Variants in GRIK3 observed in about 807,000 individuals in gnomAD.
GRIK3 encodes the protein glutamate receptor ionotropic, kainate 3.
Under a neutral mutation model 102.5 loss-of-function variants are expected in GRIK3, and 29 were observed. The observed-to-expected ratio is 0.28, with a 90% confidence interval of 0.21 to 0.39. GRIK3 has a LOEUF of 0.39. Ranked by LOEUF, GRIK3 falls within the 10% of genes least tolerant of loss-of-function variation. The pLI, the probability that GRIK3 is intolerant of heterozygous loss-of-function variation, is 1.00. For synonymous variants in GRIK3, 511 were observed against 504.9 expected, an observed-to-expected ratio of 1.01 and a Z score of -0.16; for missense variants, 908 against 1,252.4, an observed-to-expected ratio of 0.73 and a Z score of 4.15.
chr1:36,941,905 C>G (rs1641724151), intron 1 of GRIK3, among the ~76,000 whole-genome samples: 1 of 152,196 alleles, frequency 6.6e-6, no homozygotes, highest in Non-Finnish European at 1.5e-5. Context: ...ATCCTGGAGA[C>G]TAGGTAGCCT....
intron 13 of GRIK3, among the ~76,000 whole-genome samples, chr1:36,815,383 C>G (rs932714499): frequency 1.3e-5 from 2 of 152,198 alleles, no homozygotes; most frequent in Non-Finnish European, 2.9e-5. Flanking sequence ...CCACCCAACC[C>G]CTTCCTTCTC....
intron 1 of GRIK3, among the ~76,000 whole-genome samples, chr1:36,895,803 C>T (rs1277286684): frequency 1.3e-5 from 2 of 151,878 alleles, no homozygotes; most frequent in Non-Finnish European, 2.9e-5. Flanking sequence ...GGAAATATGT[C>T]CCCAAAATGA....
chr1:36,957,361 G>A (rs574307948), intron 1 of GRIK3, among the ~76,000 whole-genome samples: 30 of 150,786 alleles, frequency 2.0e-4, no homozygotes, highest in African/African-American at 7.3e-4. Flanking sequence ...TATGCCCCCT[G>A]AGTCTGTGCC....
At chr1:36,900,927 A>T (rs1039513803) in intron 1 of GRIK3, among the ~76,000 whole-genome samples, 5 of 152,184 alleles carry the variant, frequency 3.3e-5, no homozygotes, top group Non-Finnish European at 1.5e-5. Context: ...TAATAACTCT[A>T]TGTCCACTAA....
rs754239551 is a variant in GRIK3 at position 36,880,600 on chromosome 1, G to A, written c.550+34C>T. ...TCCTGGGCCTCTGCCCCCCTCAACC[G>A]TTGCCCCCAGCCTAGCCAGGCCTGG... On this transcript the variant is annotated intron_variant, in intron 3 of 15. Coordinates refer to ENST00000373091, the MANE Select transcript of GRIK3 (RefSeq NM_000831.4). This position sits in a 1 kb window ranked among gnomAD's most constrained non-coding sequence, Gnocchi z 5.4. The A allele has an allele frequency of 3.8e-5, 61 of 1,605,950 alleles. No individual in the cohort carries two copies. Among genetic ancestry groups the A allele is most frequent in the South Asian group, 5.5e-5 (5 of 90,632 alleles).
rs766887566 is a variant in GRIK3, at chr1:36,806,117, G to A, written c.2301C>T (p.Ile767=). 1.1e-5 allele frequency: 18 copies of A among 1,612,852 alleles called. No homozygotes were observed. The highest frequency in any genetic ancestry group is 1.4e-5 in the Non-Finnish European group (16 of 1,179,142). Residue 767 remains isoleucine, a synonymous_variant, in exon 14 of 16, where the codon ATC becomes ATT. Transcript: ENST00000373091. This position sits in a 1 kb window ranked among gnomAD's most constrained non-coding sequence, Gnocchi z 4.0. ...GGLIDSKGYG[I]GTPMGSPYRD... The stretch of plus-strand genomic sequence containing the variant: ...CCCCTCGCTCACCCATGGGCGTGCC[G>A]ATGCCGTAGCCCTTGGAGTCAATGA...
intron 3 of GRIK3, among the ~76,000 whole-genome samples, chr1:36,877,749 T>G (rs1023744977): frequency 6.6e-6 from 1 of 152,198 alleles, no homozygotes. Flanking sequence ...ATTCCTCTCC[T>G]CATTCATCTA....
chr1:36,943,483 C>A (rs984937362), intron 1 of GRIK3, among the ~76,000 whole-genome samples: 1 of 152,188 alleles, frequency 6.6e-6, no homozygotes, highest in Non-Finnish European at 1.5e-5. Context: ...TACCGACCAG[C>A]AAGGTTATTT....
At chr1:36,988,003 G>A (rs943716162) in intron 1 of GRIK3, among the ~76,000 whole-genome samples, 2 of 152,160 alleles carry the variant, frequency 1.3e-5, no homozygotes, top group African/African-American at 4.8e-5. Context: ...GAAAACCTGA[G>A]CCTGAGGCCG....
chr1:36,900,051 G>A (rs901157749), intron 1 of GRIK3, among the ~76,000 whole-genome samples: 3 of 152,138 alleles, frequency 2.0e-5, no homozygotes, highest in Admixed American at 2.0e-4. Context: ...TGAATCAGAC[G>A]TAATGTACAT....
chr1:36,986,469 TC>T lies in GRIK3; in HGVS notation c.115+47524del, dbSNP rs1557452960. 8.7e-3 allele frequency among the ~76,000 whole-genome samples: 1,258 copies of T among 144,232 alleles called. 15 individuals are homozygous for T. Among genetic ancestry groups the T allele is most frequent in the African/African-American group, 0.031 (1,167 of 38,132 alleles). The allele number at this position is 144,232 out of a possible 152,430, so 94.6% of individuals were successfully genotyped here. On this transcript the variant is annotated intron_variant, in intron 1 of 15. Coordinates refer to ENST00000373091, the MANE Select transcript of GRIK3 (RefSeq NM_000831.4). ...ATCCATCCATCCATCCATCAGCCCA[TC>T]CATCCATCCATCCATCCATCCATCC...
chr1:36,964,162 G>A (rs975850185), intron 1 of GRIK3, among the ~76,000 whole-genome samples: 1 of 152,200 alleles, frequency 6.6e-6, no homozygotes, highest in African/African-American at 2.4e-5. Flanking sequence ...TACACAGCTG[G>A]GCGAGGTCTG....
intron 1 of GRIK3, among the ~76,000 whole-genome samples, chr1:36,962,458 T>C (rs1214227040): frequency 6.6e-6 from 1 of 151,628 alleles, no homozygotes; most frequent in Non-Finnish European, 1.5e-5. Flanking sequence ...CAAGAAAGAA[T>C]TAAAGGGATG....
At chr1:36,952,581 T>G (rs1481241061) in intron 1 of GRIK3, among the ~76,000 whole-genome samples, 1 of 152,206 alleles carries the variant, frequency 6.6e-6, no homozygotes, top group Non-Finnish European at 1.5e-5. Context: ...CAATCCTTCA[T>G]TTACACACAT....
At chr1:37,012,583 C>T (rs1021758073) in intron 1 of GRIK3, among the ~76,000 whole-genome samples, 1 of 152,184 alleles carries the variant, frequency 6.6e-6, no homozygotes, top group Non-Finnish European at 1.5e-5. Context: ...TACTAAGCAC[C>T]TACTGTTTAC....
rs969851580 is a variant in GRIK3, at chr1:36,847,638, CTTAA to C, written c.1326+2669_1326+2672del. 4.6e-5 allele frequency among the ~76,000 whole-genome samples: 7 copies of C among 152,190 alleles called. No homozygotes were observed. The South Asian group carries it at 8.3e-4, about 18-fold the overall frequency. Reference sequence around the variant, plus strand: ...GTCACTTAGACCGCACTCTGTGCCACTTAATTAATCATTCATGCTCTGAACTCTA... The same window carrying C: ...GTCACTTAGACCGCACTCTGTGCCACTTAATCATTCATGCTCTGAACTCTA... On this transcript the variant is annotated intron_variant, in intron 9 of 15. Transcript: ENST00000373091.
chr1:36,826,133 A>C (rs1642752766), intron 10 of GRIK3, among the ~76,000 whole-genome samples: 1 of 152,244 alleles, frequency 6.6e-6, no homozygotes, highest in Non-Finnish European at 1.5e-5. Flanking sequence ...CTCCCTTCTC[A>C]AAATGGTGCT....
chr1:36,850,325 C>T lies in GRIK3; in HGVS notation c.1312G>A (p.Val438Ile), dbSNP rs1456532972. ...TDSLTNRSLI[V>I]TTVLEEPFVM... The stretch of plus-strand genomic sequence containing the variant: ...CAGGCTCTTACCAGCACTGTGGTGA[C>T]AATGAGTGATCTGTTTGTCAGAGAG... Residue 438 changes from valine to isoleucine, a missense_variant, in exon 9 of 16, where the codon GTC becomes ATC. Transcript: ENST00000373091. This position sits in a 1 kb window ranked among gnomAD's most constrained non-coding sequence, Gnocchi z 4.0. The T allele has an allele frequency of 2.2e-5, 36 of 1,606,590 alleles. No homozygotes were observed. Among genetic ancestry groups the T allele is most frequent in the Non-Finnish European group, 2.8e-5 (33 of 1,173,262 alleles).
intron 6 of GRIK3, 45 bp downstream of exon 6, chr1:36,859,799 G>A (rs1397381210): frequency 7.0e-7 from 1 of 1,432,200 alleles, no homozygotes; most frequent in East Asian, 2.3e-5. Flanking sequence ...AAAGAAGGGA[G>A]GCAGGTGGGA....
Sources: allele counts gnomAD v4.1 joint callset (sites outside exome capture counted in the v4.1 genomes callset), GRCh38; gene constraint gnomAD v4.1.1; non-coding constraint Gnocchi (gnomAD v3.1); transcripts MANE v1.5; gene names NCBI Gene and HGNC (gene_info 2026-07-23, HGNC 2026-07-21).